The following PLCH2 variants were observed in gnomAD, a reference collection of about 807,000 sequenced individuals.
PLCH2 encodes phospholipase C eta 2.
PLCH2 carries 98 observed loss-of-function variants against 134.7 expected under a neutral mutation model. That is an observed-to-expected ratio of 0.73 (90% CI 0.62 to 0.86). The LOEUF (loss-of-function observed/expected upper bound fraction) is 0.86, where lower values mean the gene tolerates loss of function less well. Among genes scored for constraint, PLCH2 ranks in the 40% least tolerant of loss-of-function variants. PLCH2 has a pLI of 0.00. For missense variants in PLCH2, 1,994 were observed against 1,986.6 expected (o/e 1.00, Z -0.07); for synonymous variants, 974 against 827.5 (o/e 1.18, Z -3.04).
Position 2,502,093 on chromosome 1 carries a change from T to C in PLCH2, c.2662-19T>C. 4 of 1,424,058 alleles carry C rather than the reference T, an allele frequency of 2.8e-6. No individual in the cohort carries two copies. The highest frequency in any genetic ancestry group is 1.5e-5 in the South Asian group (1 of 67,094). The allele number at this position is 1,424,058 out of a possible 1,614,324, so 88.2% of individuals were successfully genotyped here. On this transcript the variant is annotated intron_variant, in intron 20 of 21. Coordinates refer to ENST00000378486, the MANE Select transcript of PLCH2 (RefSeq NM_014638.4). Reference sequence around the variant, plus strand: ...GCTGGGACCCCTGGCAACAGCTACATGGGCTCCTTCTCTTGCAGGTCAAGC... The same window carrying C: ...GCTGGGACCCCTGGCAACAGCTACACGGGCTCCTTCTCTTGCAGGTCAAGC...
chr1:2,502,708 T>G, intron 21 of PLCH2: 1 of 713,420 alleles, frequency 1.4e-6, no homozygotes, highest in Non-Finnish European at 2.6e-6. Context: ...CCAAGGGTCC[T>G]GGGGCCTGGA....
intron 2 of PLCH2, among the ~76,000 whole-genome samples, chr1:2,447,591 G>A (rs1640000922): frequency 6.6e-6 from 1 of 152,220 alleles, no homozygotes; most frequent in Admixed American, 6.5e-5. Flanking sequence ...CTGTGACTGA[G>A]CTGCTGACCC....
intron 2 of PLCH2, among the ~76,000 whole-genome samples, chr1:2,432,481 G>A (rs1433973151): frequency 1.3e-5 from 2 of 152,214 alleles, no homozygotes; most frequent in African/African-American, 4.8e-5. Context: ...CCGTGGTAAC[G>A]GGCTTTCATT....
At chr1:2,469,453 C>G (rs773500400) in intron 1 of PLCH2, among the ~76,000 whole-genome samples, 7 of 152,242 alleles carry the variant, frequency 4.6e-5, no homozygotes, top group Non-Finnish European at 8.8e-5. Context: ...GGGCCAGTGT[C>G]CTGGGTCCAG....
At chr1:2,497,704 A>C (rs1642975054) in intron 16 of PLCH2, 95 bp downstream of exon 16, 2 of 881,032 alleles carry the variant, frequency 2.3e-6, no homozygotes, top group Non-Finnish European at 3.6e-6. Flanking sequence ...ACAGGCTAGC[A>C]AGGGGGTGGG....
At chr1:2,478,184 G>A (rs1006654743) in intron 1 of PLCH2, among the ~76,000 whole-genome samples, 5 of 152,230 alleles carry the variant, frequency 3.3e-5, no homozygotes, top group African/African-American at 1.2e-4. Flanking sequence ...GAGCAGGGTG[G>A]GGAGCAGGGC....
At chr1:2,453,818 G>A (rs1397817619) in intron 2 of PLCH2, among the ~76,000 whole-genome samples, 4 of 152,224 alleles carry the variant, frequency 2.6e-5, no homozygotes, top group East Asian at 3.9e-4. Context: ...CCCGTCTCCC[G>A]GTGGGGAGGG....
chr1:2,487,103 T>C, intron 6 of PLCH2, 70 bp from the exon 7 acceptor site: 2 of 1,498,408 alleles, frequency 1.3e-6, no homozygotes, highest in South Asian at 1.2e-5. Context: ...CTGTGTGGCA[T>C]GGGGGCAGGT....
At chr1:2,420,238 T>G in the PLCH2 span, among the ~76,000 whole-genome samples, 1 of 152,058 alleles carries the variant, frequency 6.6e-6, no homozygotes, top group East Asian at 1.9e-4. Flanking sequence ...AGCCAGTGTC[T>G]GGGGGGCATC....
chr1:2,498,766 TGGA>T lies in PLCH2; in HGVS notation c.2374_2376del (p.Glu792del), dbSNP rs1270581594. On this transcript the variant is annotated inframe_deletion, in exon 18 of 22. Transcript: ENST00000378486. The surrounding 1 kb of genome is among the most constrained non-coding windows in gnomAD (Gnocchi z 5.4). Reference sequence around the variant, plus strand: ...CAGATCATCGACCCCTTTGTGGAGGTGGAGATCATTGGGCTCCCTGTGGACTGC... The same window carrying T: ...CAGATCATCGACCCCTTTGTGGAGGTGATCATTGGGCTCCCTGTGGACTGC... 2.5e-6 allele frequency: 4 copies of T among 1,609,924 alleles called. No homozygotes were observed. The highest frequency in any genetic ancestry group is 1.1e-5 in the South Asian group (1 of 90,590).
chr1:2,493,821 C>G (rs987371331), intron 11 of PLCH2: 1 of 153,666 alleles, frequency 6.5e-6, no homozygotes, highest in African/African-American at 2.4e-5. Flanking sequence ...GCAGTCGGAG[C>G]TGTTTGCTGT....
At chr1:2,484,143 G>A (rs779642996) in intron 4 of PLCH2, among the ~76,000 whole-genome samples, 4 of 152,160 alleles carry the variant, frequency 2.6e-5, no homozygotes, top group Admixed American at 6.5e-5. Flanking sequence ...TATGGGTGAT[G>A]TTGGCTTCCG....
chr1:2,468,746 C>T (rs939662976), intron 1 of PLCH2, among the ~76,000 whole-genome samples: 7 of 152,176 alleles, frequency 4.6e-5, no homozygotes, highest in African/African-American at 1.4e-4. Flanking sequence ...GACATGGCAT[C>T]GCTGCTGGGC....
At chr1:2,452,381 GC>G (rs976956088) in intron 2 of PLCH2, among the ~76,000 whole-genome samples, 2 of 152,224 alleles carry the variant, frequency 1.3e-5, no homozygotes, top group African/African-American at 4.8e-5. Flanking sequence ...CCTGGAGTGA[GC>G]CCCGTGGAGG....
intron 12 of PLCH2, 96 bp from the exon 13 acceptor site, chr1:2,495,392 G>A: frequency 9.7e-7 from 1 of 1,026,150 alleles, no homozygotes; most frequent in Non-Finnish European, 1.4e-6. Context: ...GGCCGCTGGG[G>A]ACCCCGGAGG....
Position 2,498,376 on chromosome 1 carries a change from C to T in PLCH2, c.2225-147C>T. The T allele has an allele frequency of 1.2e-6, 1 of 864,568 alleles. No homozygotes were observed. The highest frequency in any genetic ancestry group is 1.8e-6 in the Non-Finnish European group (1 of 569,792). The allele number at this position is 864,568 out of a possible 1,614,324, so 53.6% of individuals were successfully genotyped here. On this transcript the variant is annotated intron_variant, in intron 16 of 21. Transcript: ENST00000378486. The surrounding 1 kb of genome is among the most constrained non-coding windows in gnomAD (Gnocchi z 5.4). Reference sequence around the variant, plus strand: ...GCCAGGTGCACCCCGAGGTGCCCCCCTGGACCACTGCCTCCCTCCCTCCCC... The same window carrying T: ...GCCAGGTGCACCCCGAGGTGCCCCCTTGGACCACTGCCTCCCTCCCTCCCC...
chr1:2,467,456 C>T (rs1247258759), upstream of PLCH2: 3 of 383,816 alleles, frequency 7.8e-6, no homozygotes, highest in Non-Finnish European at 1.4e-5. Context: ...TCCTCACCTT[C>T]CTCACGGGCG....
intron 2 of PLCH2, among the ~76,000 whole-genome samples, chr1:2,459,052 C>G (rs543792565): frequency 1.3e-5 from 2 of 152,362 alleles, no homozygotes; most frequent in Middle Eastern, 3.4e-3. Flanking sequence ...CAGACTCAGC[C>G]CCGAATCCTG....
upstream of PLCH2, among the ~76,000 whole-genome samples, chr1:2,466,557 C>T (rs2477692): frequency 0.46 from 70,607 of 152,070 alleles, 17,304 homozygotes; most frequent in East Asian, 0.59. Context: ...AGCCCAGAGG[C>T]GGCCCCACAT....
Sources: allele counts gnomAD v4.1 joint callset (sites outside exome capture counted in the v4.1 genomes callset), GRCh38; gene constraint gnomAD v4.1.1; non-coding constraint Gnocchi (gnomAD v3.1); transcripts MANE v1.5; gene names NCBI Gene and HGNC (gene_info 2026-07-23, HGNC 2026-07-21).